Variants in GRM5 observed in about 807,000 individuals in gnomAD.
GRM5 encodes the protein glutamate metabotropic receptor 5.
Under a neutral mutation model 83.1 loss-of-function variants are expected in GRM5, and 19 were observed. That is an observed-to-expected ratio of 0.23 (90% CI 0.16 to 0.34). GRM5 has a LOEUF of 0.34. Among genes scored for constraint, GRM5 ranks in the 10% least tolerant of loss-of-function variants. The pLI, the probability that GRM5 is intolerant of heterozygous loss-of-function variation, is 1.00. For missense variants in GRM5, 1,160 were observed against 1,588.3 expected (o/e 0.73, Z 4.58); for synonymous variants, 675 against 633.6 (o/e 1.07, Z -0.98).
chr11:89,013,867 C>T (rs1172392540), intron 2 of GRM5, among the ~76,000 whole-genome samples: 1 of 152,116 alleles, frequency 6.6e-6, no homozygotes, highest in Non-Finnish European at 1.5e-5. Flanking sequence ...ATGCACCTTG[C>T]TCATTGACTA....
intron 2 of GRM5, among the ~76,000 whole-genome samples, chr11:89,009,815 G>A (rs1307402217): frequency 6.9e-6 from 1 of 145,566 alleles, no homozygotes; most frequent in Non-Finnish European, 1.5e-5. Context: ...GCAGGAGAAT[G>A]GCGTGAACCC....
intron 4 of GRM5, among the ~76,000 whole-genome samples, chr11:88,619,494 A>G (rs1938575752): frequency 6.6e-6 from 1 of 152,200 alleles, no homozygotes; most frequent in South Asian, 2.1e-4. Flanking sequence ...ATTTTGTCCA[A>G]TAAACTAATT....
At chr11:88,885,434 C>G (rs12278545) in intron 2 of GRM5, among the ~76,000 whole-genome samples, 12 of 93,908 alleles carry the variant, frequency 1.3e-4, no homozygotes, top group Non-Finnish European at 1.8e-4. Context: ...TTTCTGAATT[C>G]TATAGTAGGT....
intron 2 of GRM5, among the ~76,000 whole-genome samples, chr11:88,915,666 C>T (rs1945577659): frequency 6.6e-6 from 1 of 152,096 alleles, no homozygotes; most frequent in Non-Finnish European, 1.5e-5. Flanking sequence ...CCTGGATCTT[C>T]AACAGTTATT....
At chr11:88,957,617 T>C (rs922460252) in intron 2 of GRM5, among the ~76,000 whole-genome samples, 2 of 152,160 alleles carry the variant, frequency 1.3e-5, no homozygotes, top group African/African-American at 2.4e-5. Context: ...TTTCACCAAC[T>C]TACTATAATG....
At chr11:88,893,799 A>C (rs1945186113) in intron 2 of GRM5, among the ~76,000 whole-genome samples, 1 of 152,008 alleles carries the variant, frequency 6.6e-6, no homozygotes, top group Admixed American at 6.6e-5. Context: ...CCTTTTCAGC[A>C]GGAAGTAGCC....
At chr11:88,935,574 G>A (rs1427007177) in intron 2 of GRM5, among the ~76,000 whole-genome samples, 1 of 151,808 alleles carries the variant, frequency 6.6e-6, no homozygotes, top group South Asian at 2.1e-4. Context: ...CATGAGCAAG[G>A]TGTAAACTTC....
At chr11:88,842,213 A>G (rs896785529) in intron 3 of GRM5, among the ~76,000 whole-genome samples, 1 of 152,182 alleles carries the variant, frequency 6.6e-6, no homozygotes, top group African/African-American at 2.4e-5. Flanking sequence ...TTTTAAAAAA[A>G]TATTCCTAGT....
At chr11:88,518,480 A>T (rs1260825969) in intron 9 of GRM5, among the ~76,000 whole-genome samples, 1 of 152,060 alleles carries the variant, frequency 6.6e-6, no homozygotes, top group Non-Finnish European at 1.5e-5. Flanking sequence ...TAAGAATGAC[A>T]ATAGATGGTT....
chr11:88,997,571 G>A (rs1000339028), intron 2 of GRM5, among the ~76,000 whole-genome samples: 2 of 151,804 alleles, frequency 1.3e-5, no homozygotes, highest in Non-Finnish European at 2.9e-5. Context: ...CAGAGAGAGA[G>A]AGGACATGAA....
chr11:88,529,679 T>C (rs1237607192), intron 8 of GRM5, among the ~76,000 whole-genome samples: 1 of 151,842 alleles, frequency 6.6e-6, no homozygotes. Context: ...ACTAGAGAGA[T>C]AGAGAAATAC....
chr11:88,529,653 G>T (rs935737152), intron 8 of GRM5, among the ~76,000 whole-genome samples: 1 of 151,916 alleles, frequency 6.6e-6, no homozygotes, highest in South Asian at 2.1e-4. Flanking sequence ...AAATGCAATG[G>T]ACTTGAAGGA....
intron 2 of GRM5, among the ~76,000 whole-genome samples, chr11:88,885,155 A>G (rs1167330947): frequency 1.3e-5 from 2 of 151,724 alleles, no homozygotes; most frequent in African/African-American, 4.8e-5. Context: ...GTTTTATCCT[A>G]TTTTTTAGGC....
intron 3 of GRM5, among the ~76,000 whole-genome samples, chr11:88,794,481 G>T (rs4307725): frequency 0.72 from 109,646 of 151,938 alleles, 39,999 homozygotes; most frequent in African/African-American, 0.75. Flanking sequence ...TAAATTATGT[G>T]TTTTTATTTT....
intron 3 of GRM5, among the ~76,000 whole-genome samples, chr11:88,731,634 T>C (rs1941811030): frequency 6.6e-6 from 1 of 152,000 alleles, no homozygotes; most frequent in African/African-American, 2.4e-5. Context: ...TTTGTTGTTG[T>C]TGTTGTTGTT....
intron 3 of GRM5, among the ~76,000 whole-genome samples, chr11:88,758,015 A>G (rs569814739): frequency 2.0e-5 from 3 of 152,282 alleles, no homozygotes; most frequent in South Asian, 2.1e-4. Context: ...TCTCCCAGAA[A>G]TAAAGCCAAT....
chr11:88,544,589 CT>C lies in GRM5; in HGVS notation c.2631-19186del, dbSNP rs373112481. 1.4e-4 allele frequency among the ~76,000 whole-genome samples: 21 copies of C among 152,318 alleles called. No homozygotes were observed. The East Asian group carries it at 3.3e-3, about 24-fold the overall frequency. On this transcript the variant is annotated intron_variant, in intron 8 of 9. Transcript: ENST00000305447. ...TCTAGGGGGCCTTGTTCATCACACA[CT>C]TCTCAGGGCCCAGTTGGATCTGCAC...
In GRM5 at chr11:89,011,247, C is replaced by T. The variant is rs567444937; in HGVS notation, c.661+35965G>A. Among the ~76,000 whole-genome samples the T allele has an allele frequency of 1.4e-4, 22 of 151,938 alleles. No individual in the cohort carries two copies. The South Asian group carries it at 2.5e-3, about 17-fold the overall frequency. On this transcript the variant is annotated intron_variant, in intron 2 of 9. Transcript: ENST00000305447. ...TGTAATTCTTCATGAGCTTTACTTT[C>T]AGTAACTTATGGGGAGGTTTCTTAA...
At chr11:89,009,645 C>G (rs1385869565) in intron 2 of GRM5, among the ~76,000 whole-genome samples, 1 of 151,886 alleles carries the variant, frequency 6.6e-6, no homozygotes. Flanking sequence ...GCCTGTAATC[C>G]CAGCACTTTG....
Sources: allele counts gnomAD v4.1 joint callset (sites outside exome capture counted in the v4.1 genomes callset), GRCh38; gene constraint gnomAD v4.1.1; transcripts MANE v1.5; gene names NCBI Gene and HGNC (gene_info 2026-07-23, HGNC 2026-07-21).